The following CTSD variants were observed in gnomAD, a reference collection of about 807,000 sequenced individuals.
CTSD encodes ceroid-lipofuscinosis, neuronal 10.
CTSD carries 28 observed loss-of-function variants against 43.6 expected under a neutral mutation model. The ratio of observed to expected loss-of-function variants is 0.64; its 90% confidence interval spans 0.48 to 0.88. The LOEUF is 0.88. Ranked by LOEUF, CTSD falls within the 40% of genes least tolerant of loss-of-function variation. The pLI, the probability that CTSD is intolerant of heterozygous loss-of-function variation, is 0.00. For synonymous variants in CTSD, 270 were observed against 249.8 expected, an observed-to-expected ratio of 1.08 and a Z score of -0.76; for missense variants, 485 against 555.2, an observed-to-expected ratio of 0.87 and a Z score of 1.27.
rs577591270 is a variant in CTSD, at chr11:1,763,833, G to A, written c.27C>T (p.Leu9=). 2.0e-6 allele frequency: 3 copies of A among 1,528,436 alleles called. No individual in the cohort carries two copies. In the East Asian group the frequency reaches 7.6e-5, roughly 39 times the overall value. 94.7% of individuals were successfully genotyped at this position (1,528,436 alleles called of 1,614,324 possible). A position where few individuals can be genotyped will look rare whatever the true frequency, so the allele number is the denominator to read the frequency against. Residue 9 remains leucine (L), a synonymous_variant, in exon 1 of 9, where the codon CTC becomes CTT. Transcript: ENST00000236671. MQPSSLLP[L]ALCLLAAPAS... ...CGGGTGCAGCCAGCAGGCAGAGGGC[G>A]AGCGGCAGAAGGCTGGAGGGCTGCA...
Position 1,753,498 on chromosome 11 carries a change from G to T in CTSD, c.*5C>A, listed in dbSNP as rs369396364. 7.4e-6 allele frequency: 12 copies of T among 1,612,806 alleles called. No homozygotes were observed. Among genetic ancestry groups the T allele is most frequent in the Non-Finnish European group, 1.0e-5 (12 of 1,179,882 alleles). The stretch of plus-strand genomic sequence containing the variant: ...TTCTGTGCTGGCGCGCGGACGCCTT[G>T]GGAACTAGAGGCGGGCAGCCTCGGC... On this transcript the variant is annotated 3_prime_UTR_variant, in exon 9 of 9. Coordinates refer to ENST00000236671, the MANE Select transcript of CTSD (RefSeq NM_001909.5).
Position 1,759,608 on chromosome 11 carries a change from G to A in CTSD, c.260C>T (p.Thr87Met), listed in dbSNP as rs770248571. The change falls in exon 3 of 9, where the codon ACG becomes ATG. Residue 87 changes from threonine to methionine, a missense_variant. By Grantham distance (81) the Thr-to-Met change is moderately conservative. Coordinates refer to ENST00000236671, the MANE Select transcript of CTSD (RefSeq NM_001909.5). The stretch of plus-strand genomic sequence containing the variant: ...GACGACTGTGAAGCACTGGGGGGGC[G>A]TCCCGATGCCAATCTCCCCGTAGTA... ...AQYYGEIGIG[T>M]PPQCFTVVFD... 7 of 1,613,424 alleles carry A rather than the reference G, an allele frequency of 4.3e-6. No individual in the cohort carries two copies. The highest frequency in any genetic ancestry group is 4.5e-5 in the East Asian group (2 of 44,882).
At chr11:1,763,271 A>T (rs1249446242) in intron 1 of CTSD, among the ~76,000 whole-genome samples, 2 of 152,062 alleles carry the variant, frequency 1.3e-5, no homozygotes, top group Non-Finnish European at 2.9e-5. Context: ...GGGACATGGG[A>T]ACTCCTAGGG....
chr11:1,753,721 C>G (rs781262160), intron 8 of CTSD, 51 bp from the exon 9 acceptor site: 35 of 1,609,724 alleles, frequency 2.2e-5, no homozygotes, highest in Middle Eastern at 1.6e-4. Context: ...CCCGCCCCCC[C>G]ACCTGTTGCC....
intron 4 of CTSD, chr11:1,757,836 G>A: frequency 2.0e-6 from 1 of 512,228 alleles, no homozygotes; most frequent in Non-Finnish European, 3.6e-6. Flanking sequence ...TCCGCTCCCT[G>A]CTCCGACCTC....
chr11:1,761,367 T>G lies in CTSD; in HGVS notation c.170A>C (p.Gln57Pro). ...IAKGPVSKYSQAVPAVTEGPI... is the reference protein window; with the variant it reads ...IAKGPVSKYSPAVPAVTEGPI... ...CCCCTCGGTCACGGCTGGCACCGCC[T>G]GGGAGTACTTTGAGACGGGGCCTTT... The change falls in exon 2 of 9, where the codon CAG becomes CCG. Residue 57 changes from glutamine (Q) to proline (P), a missense_variant. Transcript: ENST00000236671. The G allele has an allele frequency of 2.5e-6, 4 of 1,613,782 alleles. No individual in the cohort carries two copies. The highest frequency in any genetic ancestry group is 3.4e-6 in the Non-Finnish European group (4 of 1,180,006).
In CTSD at chr11:1,761,414, GC is replaced by G; in HGVS notation, c.122del (p.Gly41AlafsTer6). 1 of 1,613,836 alleles carries G rather than the reference GC, an allele frequency of 6.2e-7. No homozygotes were observed. The highest frequency in any genetic ancestry group is 8.5e-7 in the Non-Finnish European group (1 of 1,179,994). On this transcript the variant is annotated frameshift_variant, in exon 2 of 9. Coordinates refer to ENST00000236671, the MANE Select transcript of CTSD (RefSeq NM_001909.5). LOFTEE classifies it high-confidence loss of function. ...SIRRTMSEVG[G>X]SVEDLIAKGP... The stretch of plus-strand genomic sequence containing the variant: ...CTTTGGCAATCAGGTCCTCCACAGA[GC>G]CCCCAACCTCCGACATGGTCCGGCG...
At chr11:1,758,697 C>T (rs1320336549) in intron 4 of CTSD, among the ~76,000 whole-genome samples, 2 of 152,154 alleles carry the variant, frequency 1.3e-5, no homozygotes. Flanking sequence ...AAAAAGAGCC[C>T]GATCGATCTG....
At position 1,754,469 on chromosome 11, in the gene CTSD, T is replaced by C. The variant is rs547775094; in HGVS notation, c.828-331A>G. On this transcript the variant is annotated intron_variant, in intron 6 of 8. Transcript: ENST00000236671. ...TGGAGGGATAGACAGATGGAGGGGA[T>C]GGAGGGTCATGGAGAGTCACAGAGG... is the stretch of plus-strand genomic sequence containing the variant. Among the ~76,000 whole-genome samples, 6 of 45,772 alleles carry C rather than the reference T, an allele frequency of 1.3e-4. No individual in the cohort carries two copies. The East Asian group carries it at 6.3e-3, about 48-fold the overall frequency. 30.0% of individuals were successfully genotyped at this position (45,772 alleles called of 152,430 possible).
At position 1,753,521 on chromosome 11, in the gene CTSD, G is replaced by T. The variant is rs1439111867; in HGVS notation, c.1221C>A (p.Ala407=). Reference sequence around the variant, plus strand: ...TTGGGAACTAGAGGCGGGCAGCCTCGGCGAAGCCCACCCTGTTGTTGTCAC... The same window carrying T: ...TTGGGAACTAGAGGCGGGCAGCCTCTGCGAAGCCCACCCTGTTGTTGTCAC... ...FDRDNNRVGF[A]EAARL Residue 407 remains alanine (A), a synonymous_variant, in exon 9 of 9, where the codon GCC becomes GCA. Transcript: ENST00000236671. The T allele has an allele frequency of 6.2e-7, 1 of 1,612,962 alleles. No individual in the cohort carries two copies. Among genetic ancestry groups the T allele is most frequent in the Non-Finnish European group, 8.5e-7 (1 of 1,179,908 alleles).
chr11:1,755,067 C>G (rs1337474063), intron 5 of CTSD, 39 bp from the exon 6 acceptor site: 2 of 1,612,852 alleles, frequency 1.2e-6, no homozygotes, highest in South Asian at 2.2e-5. Flanking sequence ...CACGCCACCC[C>G]CCAAGCACAA....
intron 6 of CTSD, chr11:1,754,342 T>C (rs1300772277): frequency 2.7e-6 from 1 of 372,528 alleles, no homozygotes; most frequent in Non-Finnish European, 4.8e-6. Context: ...GACCCTCAGG[T>C]GGTGGTGAGG....
intron 1 of CTSD, chr11:1,762,071 TC>T: frequency 5.5e-6 from 1 of 181,244 alleles, no homozygotes; most frequent in Non-Finnish European, 1.2e-5. Context: ...CCTGTCCTCC[TC>T]CACATGGACC....
intron 6 of CTSD, among the ~76,000 whole-genome samples, chr11:1,754,517 GGGATGGA>G (rs1845778524): frequency 1.1e-5 from 1 of 92,902 alleles, no homozygotes; most frequent in Non-Finnish European, 2.4e-5. Context: ...GAGGGATGGA[GGGATGGA>G]GGGGATGGAG....
In CTSD at chr11:1,758,099, A is replaced by AGAAGAGGGCG. The variant is rs879719570; in HGVS notation, c.472-553_472-544dup. 4 of 212,368 alleles carry AGAAGAGGGCG rather than the reference A, an allele frequency of 1.9e-5. No individual in the cohort carries two copies. The South Asian group carries it at 2.7e-4, about 14-fold the overall frequency. 13.2% of individuals were successfully genotyped at this position (212,368 alleles called of 1,614,324 possible). ...GAGGCTGACACGGGGCGGAGGGGGC[A>AGAAGAGGGCG]GAAGAGGGCGGAAGAGGGCAGACGG... On this transcript the variant is annotated intron_variant, in intron 4 of 8. Coordinates refer to ENST00000236671, the MANE Select transcript of CTSD (RefSeq NM_001909.5).
In CTSD at chr11:1,753,460, G is replaced by C; in HGVS notation, c.*43C>G. 6.2e-7 allele frequency: 1 copy of C among 1,611,264 alleles called. No individual in the cohort carries two copies. The stretch of plus-strand genomic sequence containing the variant: ...CTGGGCCAGGGGCCTCCTGCTCTGG[G>C]ACTCTCCTCTGTTTCTGTGCTGGCG... On this transcript the variant is annotated 3_prime_UTR_variant, in exon 9 of 9. Coordinates refer to ENST00000236671, the MANE Select transcript of CTSD (RefSeq NM_001909.5).
rs765498552 is a variant in CTSD, at chr11:1,754,533, AG to A, written c.827+372del. 5.7e-3 allele frequency among the ~76,000 whole-genome samples: 108 copies of A among 18,968 alleles called. 5 individuals carry two copies. Among genetic ancestry groups the A allele is most frequent in the African/African-American group, 0.025 (100 of 3,926 alleles). 12.4% of individuals were successfully genotyped at this position (18,968 alleles called of 152,430 possible). A position where few individuals can be genotyped will look rare whatever the true frequency, so the allele number is the denominator to read the frequency against. ...AGGGATGGAGGGATGGAGGGGATGG[AG>A]GGATGGAGGGATGGAGGGGATGGAG... is the stretch of plus-strand genomic sequence containing the variant. On this transcript the variant is annotated intron_variant, in intron 6 of 8. Transcript: ENST00000236671.
chr11:1,754,509 GGGATGGA>G (rs1565019409), intron 6 of CTSD, among the ~76,000 whole-genome samples: 2 of 107,520 alleles, frequency 1.9e-5, no homozygotes, highest in Non-Finnish European at 4.0e-5. Context: ...TGGGGATGGA[GGGATGGA>G]GGGATGGAGG....
intron 5 of CTSD, among the ~76,000 whole-genome samples, chr11:1,756,535 G>C (rs1845811623): frequency 6.6e-6 from 1 of 152,216 alleles, no homozygotes; most frequent in Non-Finnish European, 1.5e-5. Context: ...GCCCTGGAGA[G>C]TGTGGGGCAG....
Sources: allele counts gnomAD v4.1 joint callset (sites outside exome capture counted in the v4.1 genomes callset), GRCh38; gene constraint gnomAD v4.1.1; transcripts MANE v1.5; gene names NCBI Gene and HGNC (gene_info 2026-07-23, HGNC 2026-07-21).